Variants in CIRSR observed in about 807,000 individuals in gnomAD.
CIRSR encodes the protein CBF1 (RBPJ) interacting corepressor 1.
chr2:174,395,515 T>G, the CIRSR span: 1 of 1,599,572 alleles, frequency 6.3e-7, no homozygotes, highest in Non-Finnish European at 8.6e-7. Flanking sequence ...AGGCGGTCCC[T>G]GTGGGCCTAA....
the CIRSR span, among the ~76,000 whole-genome samples, chr2:174,375,805 C>A: frequency 6.6e-6 from 1 of 152,116 alleles, no homozygotes; most frequent in African/African-American, 2.4e-5. Context: ...TGTAAACTAT[C>A]TTTATGTCCT....
At chr2:174,367,128 A>G in the CIRSR span, among the ~76,000 whole-genome samples, 5 of 152,344 alleles carry the variant, frequency 3.3e-5, no homozygotes, top group East Asian at 9.6e-4. Flanking sequence ...ATTGCTTTTG[A>G]TAAGAATGGT....
chr2:174,354,532 TTATATAATATATATTATATTATA>T, the CIRSR span, among the ~76,000 whole-genome samples: 3 of 55,460 alleles, frequency 5.4e-5, no homozygotes, highest in South Asian at 1.5e-3. Context: ...ATTTTATATA[TTATATAATATATATTATATTATA>T]TATATTTTAT....
the CIRSR span, among the ~76,000 whole-genome samples, chr2:174,389,025 C>T: frequency 1.8e-4 from 27 of 152,218 alleles, no homozygotes; most frequent in African/African-American, 6.5e-4. Context: ...GTCAATTAAA[C>T]CTCTTGCCTT....
the CIRSR span, chr2:174,350,833 G>T: frequency 2.1e-6 from 2 of 963,680 alleles, no homozygotes; most frequent in Non-Finnish European, 1.5e-6. Context: ...AATAAGTTTT[G>T]TATCAGGGAC....
At chr2:174,380,123 A>G in the CIRSR span, 1 of 986,154 alleles carries the variant, frequency 1.0e-6, no homozygotes. Context: ...TTTCAGCTTA[A>G]ACACCTTTTA....
At chr2:174,362,555 C>G in the CIRSR span, among the ~76,000 whole-genome samples, 2 of 149,314 alleles carry the variant, frequency 1.3e-5, no homozygotes, top group Admixed American at 1.3e-4. Flanking sequence ...TGGTGATGGG[C>G]GCCTGTAGTC....
At chr2:174,361,522 G>A in the CIRSR span, among the ~76,000 whole-genome samples, 212 of 152,300 alleles carry the variant, frequency 1.4e-3, 4 homozygotes, top group African/African-American at 4.5e-3. Context: ...CCTTCAACAC[G>A]AAAGGTTTAT....
chr2:174,377,144 G>T, the CIRSR span, among the ~76,000 whole-genome samples: 7 of 152,120 alleles, frequency 4.6e-5, no homozygotes, highest in Non-Finnish European at 5.9e-5. Context: ...AGTCATAGGG[G>T]CACTATAAAG....
the CIRSR span, among the ~76,000 whole-genome samples, chr2:174,378,342 C>T: frequency 6.6e-6 from 1 of 152,034 alleles, no homozygotes; most frequent in Non-Finnish European, 1.5e-5. Flanking sequence ...ATTATTGTGC[C>T]TGTTTCAATA....
the CIRSR span, among the ~76,000 whole-genome samples, chr2:174,367,307 C>T: frequency 4.7e-4 from 71 of 152,174 alleles, no homozygotes; most frequent in African/African-American, 1.6e-3. Context: ...GCATTGGGCG[C>T]GGTGGCTAAC....
At chr2:174,355,015 T>A in the CIRSR span, among the ~76,000 whole-genome samples, 3 of 151,810 alleles carry the variant, frequency 2.0e-5, no homozygotes, top group Non-Finnish European at 4.4e-5. Flanking sequence ...TACTTAAACC[T>A]TCTCCTATCA....
chr2:174,355,905 A>T, the CIRSR span, among the ~76,000 whole-genome samples: 5 of 152,158 alleles, frequency 3.3e-5, no homozygotes, highest in African/African-American at 1.2e-4. Flanking sequence ...CTAAAGCTGA[A>T]GTCAAAGACA....
At chr2:174,391,592 A>T in the CIRSR span, among the ~76,000 whole-genome samples, 5 of 152,166 alleles carry the variant, frequency 3.3e-5, no homozygotes, top group East Asian at 3.9e-4. Context: ...TCCATCTCAA[A>T]AAATAAATAA....
chr2:174,358,839 A>G, the CIRSR span, among the ~76,000 whole-genome samples: 1 of 152,154 alleles, frequency 6.6e-6, no homozygotes, highest in Non-Finnish European at 1.5e-5. Context: ...CAGTCTCTCA[A>G]GGAGCTGGGA....
chr2:174,364,162 C>G, the CIRSR span, among the ~76,000 whole-genome samples: 1 of 151,996 alleles, frequency 6.6e-6, no homozygotes, highest in African/African-American at 2.4e-5. Context: ...TTTGTTTTCA[C>G]AGGGGCTACA....
chr2:174,384,235 T>C, the CIRSR span, among the ~76,000 whole-genome samples: 1 of 152,312 alleles, frequency 6.6e-6, no homozygotes, highest in African/African-American at 2.4e-5. Flanking sequence ...TATATGAACC[T>C]TGGACACATT....
At chr2:174,385,555 G>A in the CIRSR span, among the ~76,000 whole-genome samples, 1 of 151,958 alleles carries the variant, frequency 6.6e-6, no homozygotes, top group Admixed American at 6.6e-5. Flanking sequence ...AAGAAAACTG[G>A]TTGATTCCAA....
the CIRSR span, among the ~76,000 whole-genome samples, chr2:174,377,995 G>A: frequency 1.3e-5 from 2 of 152,232 alleles, no homozygotes; most frequent in East Asian, 1.9e-4. Flanking sequence ...GTAAACCCTG[G>A]GCTCAGAATG....
Sources: gnomAD v4.1 joint callset for allele counts (sites outside exome capture counted in the v4.1 genomes callset) on GRCh38, gnomAD v4.1.1 for gene constraint, MANE v1.5 for transcripts, NCBI Gene and HGNC (gene_info 2026-07-23, HGNC 2026-07-21) for gene names.